The following TOR1AIP1 variants were observed in gnomAD, a reference collection of about 807,000 sequenced individuals.
The protein encoded by TOR1AIP1 is torsin 1A interacting protein 1, also known as torsin-1A-interacting protein 1.
TOR1AIP1 carries 54 observed loss-of-function variants against 63.3 expected under a neutral mutation model. The ratio of observed to expected loss-of-function variants is 0.85; its 90% confidence interval spans 0.69 to 1.07. TOR1AIP1 has a LOEUF of 1.07. Among genes scored for constraint, TOR1AIP1 ranks in the 50% least tolerant of loss-of-function variants. The pLI is 0.00. For synonymous variants in TOR1AIP1, 294 were observed against 273.5 expected (o/e 1.07, Z -0.74); for missense variants, 736 against 715.0 (o/e 1.03, Z -0.33).
intron 8 of TOR1AIP1, 42 bp from the exon 9 acceptor site, chr1:179,913,956 A>C: frequency 2.0e-6 from 3 of 1,519,334 alleles, no homozygotes; most frequent in Non-Finnish European, 1.8e-6. Flanking sequence ...TCAAATTATG[A>C]AGCATAAGTT....
chr1:179,895,850 C>A (rs1267416721), intron 3 of TOR1AIP1, among the ~76,000 whole-genome samples: 1 of 151,694 alleles, frequency 6.6e-6, no homozygotes, highest in African/African-American at 2.4e-5. Flanking sequence ...ACCCGGGAGG[C>A]AGAGGTTGCA....
chr1:179,907,680 A>T, intron 6 of TOR1AIP1, 143 bp from the exon 7 acceptor site: 1 of 318,648 alleles, frequency 3.1e-6, no homozygotes, highest in Non-Finnish European at 5.7e-6. Flanking sequence ...TTATATATTT[A>T]TATGCTTGGA....
intron 6 of TOR1AIP1, among the ~76,000 whole-genome samples, chr1:179,905,839 G>A (rs1648617221): frequency 6.6e-6 from 1 of 152,126 alleles, no homozygotes; most frequent in African/African-American, 2.4e-5. Flanking sequence ...TGTAATCCCA[G>A]CTACTTGGGA....
chr1:179,889,307 T>C lies in TOR1AIP1; in HGVS notation c.554-6T>C, dbSNP rs773572765. ...TTTTAAATGTTTTCTCTTCCTATAT[T>C]AGCAGTGAGTGAAGATCTTGTAATC... On this transcript the variant is annotated splice_region_variant and splice_polypyrimidine_tract_variant and intron_variant, in intron 2 of 9. Transcript: ENST00000606911. 1 of 1,591,904 alleles carries C rather than the reference T, an allele frequency of 6.3e-7. No homozygotes were observed. Among genetic ancestry groups the C allele is most frequent in the Non-Finnish European group, 8.6e-7 (1 of 1,162,140 alleles).
chr1:179,883,833 C>T, intron 1 of TOR1AIP1: 3 of 363,412 alleles, frequency 8.3e-6, no homozygotes, highest in South Asian at 6.0e-5. Flanking sequence ...CCTGCCCCCC[C>T]CATTTTAGGA....
intron 4 of TOR1AIP1, 127 bp downstream of exon 4, chr1:179,900,294 G>A: frequency 1.7e-6 from 1 of 585,100 alleles, no homozygotes. Context: ...TGTAGTCTCA[G>A]CTACTCGGGA....
intron 6 of TOR1AIP1, among the ~76,000 whole-genome samples, chr1:179,905,619 A>G (rs1648606169): frequency 6.6e-6 from 1 of 152,176 alleles, no homozygotes; most frequent in Non-Finnish European, 1.5e-5. Context: ...AAACTCTTAA[A>G]TGTATCTACC....
intron 2 of TOR1AIP1, among the ~76,000 whole-genome samples, chr1:179,888,493 AT>A (rs1647972104): frequency 6.6e-6 from 1 of 152,224 alleles, no homozygotes; most frequent in East Asian, 1.9e-4. Context: ...AGATATCGAT[AT>A]AAGTTCTAAA....
intron 6 of TOR1AIP1, among the ~76,000 whole-genome samples, chr1:179,905,159 T>C (rs1648588912): frequency 6.6e-6 from 1 of 152,040 alleles, no homozygotes; most frequent in Non-Finnish European, 1.5e-5. Context: ...GGCGGATCAC[T>C]AGGTCAAGAG....
chr1:179,898,616 G>A (rs1337751738), intron 3 of TOR1AIP1, among the ~76,000 whole-genome samples: 1 of 152,068 alleles, frequency 6.6e-6, no homozygotes, highest in East Asian at 1.9e-4. Context: ...TACAGTCTCA[G>A]TACTTTAAGA....
chr1:179,902,962 C>T (rs1055340919), intron 5 of TOR1AIP1, among the ~76,000 whole-genome samples: 17 of 151,646 alleles, frequency 1.1e-4, no homozygotes, highest in African/African-American at 2.9e-4. Flanking sequence ...CCTGTGATTG[C>T]GCGATCGCAC....
intron 2 of TOR1AIP1, among the ~76,000 whole-genome samples, chr1:179,886,814 A>G (rs1647922305): frequency 6.6e-6 from 1 of 152,168 alleles, no homozygotes; most frequent in Admixed American, 6.5e-5. Flanking sequence ...TCTTCCTCTA[A>G]AAGGTGCTTT....
Position 179,882,653 on chromosome 1 carries a change from C to CGCCAGG in TOR1AIP1, c.155_160dup (p.Gln52_Gly53dup). On this transcript the variant is annotated inframe_insertion, in exon 1 of 10. Coordinates refer to ENST00000606911, the MANE Select transcript of TOR1AIP1 (RefSeq NM_015602.4). ...GCCTGCGTACAGAACTCCTCCGTCGCGCCAGGGCCGGCGGGAAGTGAGGTT... is the reference window on the plus strand; with the variant it reads ...GCCTGCGTACAGAACTCCTCCGTCGCGCCAGGGCCAGGGCCGGCGGGAAGTGAGGTT... 1 of 1,580,732 alleles carries CGCCAGG rather than the reference C, an allele frequency of 6.3e-7. No homozygotes were observed. The highest frequency in any genetic ancestry group is 8.6e-7 in the Non-Finnish European group (1 of 1,163,322).
At chr1:179,891,730 T>A (rs1648088188) in intron 3 of TOR1AIP1, among the ~76,000 whole-genome samples, 1 of 151,884 alleles carries the variant, frequency 6.6e-6, no homozygotes, top group Non-Finnish European at 1.5e-5. Context: ...GACACCCAGC[T>A]AATTTTTGTA....
At chr1:179,907,891 T>C in intron 7 of TOR1AIP1, 27 bp downstream of exon 7, 1 of 1,377,716 alleles carries the variant, frequency 7.3e-7, no homozygotes, top group South Asian at 1.3e-5. Context: ...CTGCTCTTTT[T>C]TCAGCCAATC....
chr1:179,897,988 A>G (rs897463162), intron 3 of TOR1AIP1, among the ~76,000 whole-genome samples: 23 of 152,050 alleles, frequency 1.5e-4, no homozygotes, highest in Admixed American at 1.4e-3. Flanking sequence ...TGTAGTCCCA[A>G]CTACTCAGGA....
Position 179,900,169 on chromosome 1 carries a change from T to G in TOR1AIP1, c.652+2T>G. On this transcript the variant is annotated splice_donor_variant, in intron 4 of 9. Transcript: ENST00000606911. LOFTEE classifies it high-confidence loss of function. Reference sequence around the variant, plus strand: ...AGAAGGTCAATTTCTCTGAAGAAGGTATTTTACTTGTAAATATCATATAAT... The same window carrying G: ...AGAAGGTCAATTTCTCTGAAGAAGGGATTTTACTTGTAAATATCATATAAT... The G allele has an allele frequency of 6.3e-7, 1 of 1,594,030 alleles. No individual in the cohort carries two copies. The highest frequency in any genetic ancestry group is 8.6e-7 in the Non-Finnish European group (1 of 1,164,706).
intron 3 of TOR1AIP1, among the ~76,000 whole-genome samples, chr1:179,898,968 C>G (rs1254086969): frequency 6.6e-6 from 1 of 151,782 alleles, no homozygotes; most frequent in African/African-American, 2.4e-5. Flanking sequence ...TTGCCACTGT[C>G]AAGAGGAAGT....
intron 3 of TOR1AIP1, among the ~76,000 whole-genome samples, chr1:179,894,640 C>T (rs965153501): frequency 1.8e-4 from 28 of 151,918 alleles, no homozygotes; most frequent in African/African-American, 6.5e-4. Context: ...GAGCCGAGAT[C>T]GTGCCATCGC....
Sources: allele counts gnomAD v4.1 joint callset (sites outside exome capture counted in the v4.1 genomes callset), GRCh38; gene constraint gnomAD v4.1.1; transcripts MANE v1.5; gene names NCBI Gene and HGNC (gene_info 2026-07-23, HGNC 2026-07-21).